The following HLCS variants were observed in gnomAD, a reference collection of about 807,000 sequenced individuals.
HLCS encodes the protein biotin--protein ligase.
A neutral mutation model predicts 75.0 loss-of-function variants in HLCS; 53 were observed. That is an observed-to-expected ratio of 0.71 (90% CI 0.57 to 0.89). The LOEUF (loss-of-function observed/expected upper bound fraction) is 0.89. HLCS is among the 40% of genes least tolerant of loss of function. The pLI is 0.00. For synonymous variants in HLCS, 431 were observed against 428.6 expected, an observed-to-expected ratio of 1.01 and a Z score of -0.07; for missense variants, 966 against 1,074.0, an observed-to-expected ratio of 0.90 and a Z score of 1.41.
At chr21:36,950,889 C>G (rs1054996932) in intron 2 of HLCS, among the ~76,000 whole-genome samples, 1 of 152,168 alleles carries the variant, frequency 6.6e-6, no homozygotes, top group Non-Finnish European at 1.5e-5. Flanking sequence ...CCAAATATCT[C>G]CAACAAAGCA....
chr21:36,796,164 C>A (rs999254831), intron 6 of HLCS, among the ~76,000 whole-genome samples: 6 of 152,148 alleles, frequency 3.9e-5, no homozygotes, highest in African/African-American at 1.4e-4. Flanking sequence ...AAATAAAAAA[C>A]CCCAAACACT....
intron 7 of HLCS, among the ~76,000 whole-genome samples, chr21:36,766,418 A>AC (rs565845095): frequency 3.5e-4 from 54 of 152,282 alleles, no homozygotes; most frequent in South Asian, 6.2e-4. Flanking sequence ...CAAAAAACAA[A>AC]AAAAAAATCC....
chr21:36,923,114 T>A (rs1340887137), intron 5 of HLCS, among the ~76,000 whole-genome samples: 1 of 152,190 alleles, frequency 6.6e-6, no homozygotes, highest in Non-Finnish European at 1.5e-5. Context: ...CCTTTGATCA[T>A]GCTCTCTAAC....
At chr21:36,877,018 G>A (rs969851097) in intron 6 of HLCS, among the ~76,000 whole-genome samples, 2 of 152,058 alleles carry the variant, frequency 1.3e-5, no homozygotes, top group African/African-American at 4.8e-5. Context: ...CCCATCTTTT[G>A]TACTTCTTTG....
intron 6 of HLCS, among the ~76,000 whole-genome samples, chr21:36,846,982 C>A (rs1055922564): frequency 3.9e-5 from 6 of 152,138 alleles, no homozygotes; most frequent in African/African-American, 1.4e-4. Flanking sequence ...ATTTTTGTAG[C>A]CTTTTCAAAA....
intron 5 of HLCS, among the ~76,000 whole-genome samples, chr21:36,920,758 A>C (rs1276408825): frequency 6.6e-6 from 1 of 152,148 alleles, no homozygotes; most frequent in Non-Finnish European, 1.5e-5. Flanking sequence ...CAGAAGGAAA[A>C]AATACACAGA....
At chr21:36,852,197 T>C (rs888365750) in intron 6 of HLCS, among the ~76,000 whole-genome samples, 1 of 152,276 alleles carries the variant, frequency 6.6e-6, no homozygotes, top group Non-Finnish European at 1.5e-5. Context: ...GAAATTCCTG[T>C]CTGGTCTCAC....
chr21:36,956,771 A>G (rs1171824883), intron 2 of HLCS, among the ~76,000 whole-genome samples: 1 of 151,804 alleles, frequency 6.6e-6, no homozygotes, highest in Non-Finnish European at 1.5e-5. Flanking sequence ...AAGTCCAAGG[A>G]GCCAGAATGG....
intron 7 of HLCS, among the ~76,000 whole-genome samples, chr21:36,766,415 CA>C (rs59458312): frequency 1.2e-4 from 17 of 147,338 alleles, no homozygotes; most frequent in African/African-American, 1.7e-4. Flanking sequence ...TTTCAAAAAA[CA>C]AAAAAAAAAT....
intron 6 of HLCS, among the ~76,000 whole-genome samples, chr21:36,855,408 T>G (rs560432728): frequency 6.6e-6 from 1 of 151,490 alleles, no homozygotes; most frequent in East Asian, 1.9e-4. Context: ...CCTGATGATG[T>G]GTGCCTGTAA....
rs145751578 is a variant in HLCS, at chr21:36,917,260, C to T, written c.1620+12991G>A. 1.0e-3 allele frequency among the ~76,000 whole-genome samples: 159 copies of T among 152,306 alleles called. 1 individual carries two copies. Among genetic ancestry groups the T allele is most frequent in the Middle Eastern group, 3.4e-3 (1 of 294 alleles). On this transcript the variant is annotated intron_variant, in intron 5 of 10. Coordinates refer to ENST00000674895, the MANE Select transcript of HLCS (RefSeq NM_001352514.2). ...CATAAAGAATCAAAAAGCAAAACAG[C>T]AATGAAGAACACCTTTTAGCTTTTG...
intron 6 of HLCS, among the ~76,000 whole-genome samples, chr21:36,853,380 G>A (rs977482267): frequency 2.6e-5 from 4 of 152,166 alleles, no homozygotes; most frequent in African/African-American, 4.8e-5. Flanking sequence ...TCCTGGAAGC[G>A]TAAAAACCTC....
At chr21:36,811,956 G>C (rs2145963307) in intron 6 of HLCS, among the ~76,000 whole-genome samples, 1 of 152,232 alleles carries the variant, frequency 6.6e-6, no homozygotes, top group African/African-American at 2.4e-5. Flanking sequence ...AAACCCAGGG[G>C]TTGGGGAAAA....
chr21:36,840,033 G>A (rs1259296017), intron 6 of HLCS, among the ~76,000 whole-genome samples: 4 of 152,158 alleles, frequency 2.6e-5, no homozygotes, highest in African/African-American at 9.7e-5. Context: ...TCTTCACTAT[G>A]GCTCCATCAC....
intron 5 of HLCS, among the ~76,000 whole-genome samples, chr21:36,903,823 C>T (rs577361702): frequency 2.0e-5 from 3 of 152,328 alleles, no homozygotes; most frequent in South Asian, 4.1e-4. Flanking sequence ...GTGTTGGAAA[C>T]ATAATCCCCC....
At chr21:36,866,185 G>A (rs1336657435) in intron 6 of HLCS, among the ~76,000 whole-genome samples, 1 of 147,526 alleles carries the variant, frequency 6.8e-6, no homozygotes, top group Non-Finnish European at 1.5e-5. Flanking sequence ...TAATATACAT[G>A]TATGTTTCGG....
chr21:36,908,426 G>A (rs1014842120), intron 5 of HLCS, among the ~76,000 whole-genome samples: 3 of 151,786 alleles, frequency 2.0e-5, no homozygotes, highest in African/African-American at 4.8e-5. Context: ...ACTTTACAAT[G>A]GTTGGCAAAG....
chr21:36,834,253 G>A (rs2062323435), intron 6 of HLCS, among the ~76,000 whole-genome samples: 1 of 152,204 alleles, frequency 6.6e-6, no homozygotes, highest in South Asian at 2.1e-4. Flanking sequence ...TCTACACACT[G>A]AGGTAATGAG....
At chr21:36,850,451 A>G (rs1051812719) in intron 6 of HLCS, among the ~76,000 whole-genome samples, 1 of 152,064 alleles carries the variant, frequency 6.6e-6, no homozygotes, top group African/African-American at 2.4e-5. Flanking sequence ...GTCTGAGAAA[A>G]TCGGAGAGAC....
Sources: gnomAD v4.1 joint callset for allele counts (sites outside exome capture counted in the v4.1 genomes callset) on GRCh38, gnomAD v4.1.1 for gene constraint, MANE v1.5 for transcripts, NCBI Gene and HGNC (gene_info 2026-07-23, HGNC 2026-07-21) for gene names.